PROSER1: variants seen among roughly 807,000 people sequenced by gnomAD.
PROSER1 encodes proline and serine rich 1.
In PROSER1, 36 loss-of-function variants were observed where a neutral mutation model predicts 71.8. That is an observed-to-expected ratio of 0.50 (90% confidence interval 0.38 to 0.66). PROSER1 has a LOEUF of 0.66. Among genes scored for constraint, PROSER1 ranks in the 30% least tolerant of loss-of-function variants. The probability of loss-of-function intolerance (pLI) is 0.00; values close to 1 mark genes in which losing one functional copy is unlikely to be tolerated. For missense variants in PROSER1, 1,107 were observed against 1,135.0 expected (o/e 0.98, Z 0.35); for synonymous variants, 490 against 452.4 (o/e 1.08, Z -1.06).
intron 9 of PROSER1, among the ~76,000 whole-genome samples, chr13:39,019,016 ATACATGTGTCCTT>A (rs1199327926): frequency 1.3e-5 from 2 of 152,186 alleles, no homozygotes; most frequent in African/African-American, 2.4e-5. Context: ...CCACAACTCT[ATACATGTGTCCTT>A]TCTGAAGTAA....
rs141972788 is a variant in PROSER1, at chr13:39,022,294, A to C, written c.730+32T>G. The C allele has an allele frequency of 1.1e-4, 152 of 1,376,580 alleles. 1 individual carries two copies. The African/African-American group carries it at 2.0e-3, about 18-fold the overall frequency. The allele number at this position is 1,376,580 out of a possible 1,614,324, so 85.3% of individuals were successfully genotyped here. ...CCAAGTGTACATTTGTATATGAATA[A>C]GTTACTTAAACACCCCCAAATAACA... On this transcript the variant is annotated intron_variant, in intron 9 of 12. Transcript: ENST00000352251.
Position 39,013,918 on chromosome 13 carries a change from T to A in PROSER1, c.1334A>T (p.Asn445Ile), listed in dbSNP as rs374148545. The A allele has an allele frequency of 1.9e-6, 3 of 1,613,866 alleles. No homozygotes were observed. The highest frequency in any genetic ancestry group is 3.3e-5 in the Admixed American group (2 of 59,996). The stretch of plus-strand genomic sequence containing the variant: ...GCCACCAGCAATTACAGGAGTCGGG[T>A]TGGATAGGCCTTGGGATGTTGGTGG... ...PLPPTSQGLS[N>I]PTPVIAGGST... The change falls in exon 11 of 13, where the codon AAC becomes ATC. Residue 445 changes from asparagine (N) to isoleucine (I), a missense_variant. By Grantham distance (149) the Asn-to-Ile change is moderately radical. Transcript: ENST00000352251.
At chr13:39,021,443 G>C (rs529772051) in intron 9 of PROSER1, among the ~76,000 whole-genome samples, 3 of 152,104 alleles carry the variant, frequency 2.0e-5, no homozygotes, top group Admixed American at 2.0e-4. Flanking sequence ...TTGATACTTT[G>C]ATCTCTCTTG....
rs1209323152 is a variant in PROSER1 at position 39,029,327 on chromosome 13, A to G, written c.229T>C (p.Phe77Leu). The change falls in exon 4 of 13, where the codon TTC becomes CTC. Residue 77 changes from phenylalanine (F) to leucine (L), a missense_variant. Physicochemically the swap from Phe to Leu is conservative, Grantham distance 22 (BLOSUM62 0). Coordinates refer to ENST00000352251, the MANE Select transcript of PROSER1 (RefSeq NM_025138.5). Reference protein sequence around the residue: ...PTEVVNILNCFTFSKDKLVAL... With the variant: ...PTEVVNILNCLTFSKDKLVAL... Reference sequence around the variant, plus strand: ...ACTAGTTTGTCTTTACTGAAAGTGAAACAGTTGAGTATATTGACCACTTCT... The same window carrying G: ...ACTAGTTTGTCTTTACTGAAAGTGAGACAGTTGAGTATATTGACCACTTCT... 6.4e-7 allele frequency: 1 copy of G among 1,553,204 alleles called. No individual in the cohort carries two copies. The highest frequency in any genetic ancestry group is 1.4e-5 in the African/African-American group (1 of 71,216).
At position 39,010,261 on chromosome 13, in the gene PROSER1, T is replaced by C. The variant is rs1869579579; in HGVS notation, c.*1104A>G. ...GTTGAAGTAAAATACATTAGCAACA[T>C]CTTCCGGACACCATCTTTATAAAAG... is the stretch of plus-strand genomic sequence containing the variant. On this transcript the variant is annotated 3_prime_UTR_variant, in exon 13 of 13. Transcript: ENST00000352251. 6.6e-6 allele frequency: 1 copy of C among 152,636 alleles called. No individual in the cohort carries two copies. The highest frequency in any genetic ancestry group is 1.5e-5 in the Non-Finnish European group (1 of 68,022). 9.5% of individuals were successfully genotyped at this position (152,636 alleles called of 1,614,324 possible). A position where few individuals can be genotyped will look rare whatever the true frequency, so the allele number is the denominator to read the frequency against.
chr13:39,030,766 G>A (rs1451844511), intron 3 of PROSER1, among the ~76,000 whole-genome samples: 1 of 151,896 alleles, frequency 6.6e-6, no homozygotes, highest in Non-Finnish European at 1.5e-5. Flanking sequence ...TCTTTGCTTT[G>A]CTCTCCCTCT....
chr13:39,029,243 CAAGTAA>C, intron 4 of PROSER1, 32 bp downstream of exon 4: 1 of 1,050,750 alleles, frequency 9.5e-7, no homozygotes, highest in Non-Finnish European at 1.3e-6. Context: ...CATTTTTTCC[CAAGTAA>C]AAAAAAAAAA....
chr13:39,016,187 C>T (rs1319043588), intron 10 of PROSER1, among the ~76,000 whole-genome samples: 1 of 152,122 alleles, frequency 6.6e-6, no homozygotes, highest in Non-Finnish European at 1.5e-5. Context: ...AACCACATAC[C>T]ATAATAAACA....
In PROSER1 at chr13:39,031,620, C is replaced by G; in HGVS notation, c.123G>C (p.Leu41Phe). Residue 41 changes from leucine to phenylalanine, a missense_variant, in exon 3 of 13, where the codon TTG becomes TTC. Physicochemically the swap from Leu to Phe is conservative, Grantham distance 22 (BLOSUM62 0). Coordinates refer to ENST00000352251, the MANE Select transcript of PROSER1 (RefSeq NM_025138.5). ...GCTCGGCCCAGGAAAAATATCTCAG[C>G]AAATCAACCACCTGAAAACAAAGAA... Reference protein sequence around the residue: ...GYFSSEQVVDLLRYFSWAEPQ... With the variant: ...GYFSSEQVVDFLRYFSWAEPQ... 6.2e-7 allele frequency: 1 copy of G among 1,613,064 alleles called. No homozygotes were observed. The highest frequency in any genetic ancestry group is 8.5e-7 in the Non-Finnish European group (1 of 1,179,566).
intron 6 of PROSER1, among the ~76,000 whole-genome samples, chr13:39,025,419 G>C (rs1386419530): frequency 1.3e-5 from 2 of 152,152 alleles, no homozygotes; most frequent in Non-Finnish European, 2.9e-5. Context: ...GAATGGGGCT[G>C]ACCTGTGTAA....
chr13:39,024,504 A>C lies in PROSER1; in HGVS notation c.533T>G (p.Ile178Arg). 1.2e-6 allele frequency: 2 copies of C among 1,608,514 alleles called. No homozygotes were observed. Among genetic ancestry groups the C allele is most frequent in the Non-Finnish European group, 1.7e-6 (2 of 1,177,240 alleles). The change falls in exon 7 of 13, where the codon ATA becomes AGA. Residue 178 changes from isoleucine to arginine, a missense_variant. Transcript: ENST00000352251. ...GEECTNEGKG[I>R]AARILGPSKP... is the part of the protein sequence containing the mutation. ...GGATGGCCCAAGAATTCGTGCAGCT[A>C]TTCCTTTGCCTTCGTTAGTACATTC...
At chr13:39,022,295 G>A (rs1870328551) in intron 9 of PROSER1, 31 bp downstream of exon 9, 2 of 1,408,412 alleles carry the variant, frequency 1.4e-6, no homozygotes, top group Non-Finnish European at 2.0e-6. Context: ...ATATGAATAA[G>A]TTACTTAAAC....
intron 12 of PROSER1, among the ~76,000 whole-genome samples, chr13:39,011,879 C>A (rs531039719): frequency 3.5e-4 from 54 of 152,252 alleles, no homozygotes; most frequent in Admixed American, 9.2e-4. Context: ...ATAACTATAT[C>A]CTACCACCTC....
intron 10 of PROSER1, among the ~76,000 whole-genome samples, chr13:39,015,038 A>T (rs918772280): frequency 6.6e-6 from 1 of 152,096 alleles, no homozygotes; most frequent in Non-Finnish European, 1.5e-5. Context: ...TGACCGCTCT[A>T]CACTACATTA....
chr13:39,011,322 C>T lies in PROSER1; in HGVS notation c.*43G>A, dbSNP rs779000483. On this transcript the variant is annotated 3_prime_UTR_variant, in exon 13 of 13. Transcript: ENST00000352251. The stretch of plus-strand genomic sequence containing the variant: ...CAGATTGTTCATTGCAGTTCTCAGG[C>T]AATTCTGATGTTGCTCTGAAGGAGA... 4 of 1,601,944 alleles carry T rather than the reference C, an allele frequency of 2.5e-6. No homozygotes were observed. In the Admixed American group the frequency reaches 5.0e-5, roughly 20 times the overall value.
At chr13:39,026,410 G>A in intron 5 of PROSER1, 23 bp from the exon 6 acceptor site, 1 of 1,506,072 alleles carries the variant, frequency 6.6e-7, no homozygotes, top group South Asian at 1.2e-5. Flanking sequence ...AAAGAAGAGG[G>A]GTAGGAAAAA....
chr13:39,014,676 G>A (rs985570674), intron 10 of PROSER1, among the ~76,000 whole-genome samples, 200 bp from the exon 11 acceptor site: 8 of 152,152 alleles, frequency 5.3e-5, no homozygotes, highest in African/African-American at 1.4e-4. Flanking sequence ...TCCAGTTTTC[G>A]TCTAGACTCT....
At chr13:39,035,302 C>T (rs1871045006) in intron 1 of PROSER1, among the ~76,000 whole-genome samples, 1 of 152,140 alleles carries the variant, frequency 6.6e-6, no homozygotes, top group African/African-American at 2.4e-5. Flanking sequence ...CAAGTCATAT[C>T]TCAATTCTTC....
chr13:39,025,226 T>C (rs183524337), intron 6 of PROSER1, among the ~76,000 whole-genome samples: 38 of 152,276 alleles, frequency 2.5e-4, no homozygotes, highest in African/African-American at 8.7e-4. Context: ...CAAGGGTAAA[T>C]GAGACCTTAT....
Sources: gnomAD v4.1 joint callset for allele counts (sites outside exome capture counted in the v4.1 genomes callset) on GRCh38, gnomAD v4.1.1 for gene constraint, MANE v1.5 for transcripts, NCBI Gene and HGNC (gene_info 2026-07-23, HGNC 2026-07-21) for gene names.